Variants in COL11A1 observed in about 807,000 individuals in gnomAD.
COL11A1 encodes the protein collagen alpha-1(XI) chain.
Under a neutral mutation model 265.2 loss-of-function variants are expected in COL11A1, and 74 were observed. The ratio of observed to expected loss-of-function variants is 0.28; its 90% CI spans 0.23 to 0.34. COL11A1 has a LOEUF of 0.34. COL11A1 is among the 10% of genes least tolerant of loss of function. The pLI, the probability that COL11A1 is intolerant of heterozygous loss-of-function variation, is 1.00. For missense variants in COL11A1, 2,165 were observed against 2,263.6 expected (o/e 0.96, Z 0.88); for synonymous variants, 816 against 727.6 (o/e 1.12, Z -1.96).
At position 102,920,511 on chromosome 1, in the gene COL11A1, A is replaced by T. The variant is rs551263540; in HGVS notation, c.3709-147T>A. 5.8e-6 allele frequency: 4 copies of T among 685,474 alleles called. No individual in the cohort carries two copies. The South Asian group carries it at 6.7e-5, about 12-fold the overall frequency. 42.5% of individuals were successfully genotyped at this position (685,474 alleles called of 1,614,324 possible). ...AGAATGAGACTAAATGATGCTTAAT[A>T]GAATTGTCAAATGTGTTGGAAAGCA... On this transcript the variant is annotated intron_variant, in intron 48 of 66. Coordinates refer to ENST00000370096, the MANE Select transcript of COL11A1 (RefSeq NM_001854.4).
chr1:103,048,341 T>C (rs938595809), intron 4 of COL11A1, among the ~76,000 whole-genome samples: 3 of 152,218 alleles, frequency 2.0e-5, no homozygotes, highest in Admixed American at 1.3e-4. Context: ...GGAGGATGTA[T>C]GTGTCGAGGA....
At chr1:102,894,255 C>T (rs753454069) in intron 57 of COL11A1, among the ~76,000 whole-genome samples, 2 of 152,090 alleles carry the variant, frequency 1.3e-5, no homozygotes, top group Non-Finnish European at 2.9e-5. Context: ...CTCAATTGGC[C>T]AGGCTTGGTG....
At chr1:102,886,383 T>C (rs1210800451) in intron 63 of COL11A1, among the ~76,000 whole-genome samples, 1 of 152,160 alleles carries the variant, frequency 6.6e-6, no homozygotes, top group African/African-American at 2.4e-5. Context: ...ATAGATCAAA[T>C]ATACATCAGT....
At chr1:102,967,227 C>CTTTTTTTTT (rs35303945) in intron 37 of COL11A1, among the ~76,000 whole-genome samples, 1,191 of 52,756 alleles carry the variant, frequency 0.023, 437 homozygotes, top group East Asian at 0.05. Context: ...ATAATAAATT[C>CTTTTTTTTT]TTTTTTTTTT....
At chr1:103,020,202 C>T (rs1286135433) in intron 9 of COL11A1, among the ~76,000 whole-genome samples, 2 of 151,108 alleles carry the variant, frequency 1.3e-5, no homozygotes, top group African/African-American at 2.4e-5. Flanking sequence ...TACAGTCCCA[C>T]CAACAGTGTA....
chr1:102,957,126 T>G (rs1660453575), intron 41 of COL11A1, among the ~76,000 whole-genome samples: 2 of 152,018 alleles, frequency 1.3e-5, no homozygotes, highest in South Asian at 4.1e-4. Context: ...TAGACCTACC[T>G]GAGTACAGTA....
chr1:103,021,838 CT>C lies in COL11A1; in HGVS notation c.1246-70del, dbSNP rs35291481. The C allele has an allele frequency of 0.89, 726,929 of 815,574 alleles. 320,511 individuals carry two copies. Among genetic ancestry groups the C allele is most frequent in the East Asian group, 0.94 (31,045 of 33,062 alleles). 50.5% of individuals were successfully genotyped at this position (815,574 alleles called of 1,614,324 possible). A position where few individuals can be genotyped will look rare whatever the true frequency, so the allele number is the denominator to read the frequency against. Reference sequence around the variant, plus strand: ...CATTTCTTTCTTTCTTTCTTTTCTTCTTTTTTTTTTTCTTTCTTTCTTTTTT... The same window carrying C: ...CATTTCTTTCTTTCTTTCTTTTCTTCTTTTTTTTTTCTTTCTTTCTTTTTT... On this transcript the variant is annotated intron_variant, in intron 8 of 66. Transcript: ENST00000370096.
At chr1:103,076,154 CA>C (rs1354710601) in intron 3 of COL11A1, among the ~76,000 whole-genome samples, 1 of 151,946 alleles carries the variant, frequency 6.6e-6, no homozygotes, top group Non-Finnish European at 1.5e-5. Context: ...TTCAAAATAC[CA>C]AATTAACATT....
intron 28 of COL11A1, among the ~76,000 whole-genome samples, chr1:102,992,212 C>T (rs952389029): frequency 3.9e-5 from 6 of 151,988 alleles, no homozygotes; most frequent in Non-Finnish European, 8.8e-5. Context: ...TTCCTTATAA[C>T]AAATGTCATT....
chr1:102,928,102 CTT>C (rs199552225), intron 46 of COL11A1, among the ~76,000 whole-genome samples: 1 of 147,650 alleles, frequency 6.8e-6, no homozygotes, highest in African/African-American at 2.5e-5. Flanking sequence ...TAATATCTTA[CTT>C]TTTTTTTTAT....
intron 42 of COL11A1, among the ~76,000 whole-genome samples, chr1:102,941,273 T>C (rs1392840318): frequency 2.0e-5 from 3 of 152,162 alleles, no homozygotes; most frequent in African/African-American, 7.2e-5. Flanking sequence ...ACTGACACCT[T>C]ACTCTATAAT....
intron 49 of COL11A1, 34 bp from the exon 50 acceptor site, chr1:102,915,718 C>T: frequency 6.9e-7 from 1 of 1,454,880 alleles, no homozygotes; most frequent in Non-Finnish European, 9.6e-7. Flanking sequence ...TATTAGAATA[C>T]AGAGATGATC....
At chr1:102,930,446 T>G (rs1657266690) in intron 46 of COL11A1, among the ~76,000 whole-genome samples, 2 of 152,006 alleles carry the variant, frequency 1.3e-5, no homozygotes, top group African/African-American at 4.8e-5. Flanking sequence ...TGAAGCCCAC[T>G]TCATCATGGT....
At chr1:102,958,279 C>T (rs1660560927) in intron 41 of COL11A1, among the ~76,000 whole-genome samples, 1 of 151,920 alleles carries the variant, frequency 6.6e-6, no homozygotes, top group Non-Finnish European at 1.5e-5. Context: ...CATTGCAAAG[C>T]AGAACTTGTT....
chr1:103,108,361 C>A lies in COL11A1; in HGVS notation c.-183G>T. On this transcript the variant is annotated 5_prime_UTR_variant, in exon 1 of 67. Coordinates refer to ENST00000370096, the MANE Select transcript of COL11A1 (RefSeq NM_001854.4). ...GGTTTGCGTTCTTCGTGTCTCTAGC[C>A]CTTTCCTCTCCCTCTGAGTTGGCCC... The A allele has an allele frequency of 1.5e-6, 1 of 651,614 alleles. No individual in the cohort carries two copies. The highest frequency in any genetic ancestry group is 2.8e-6 in the Non-Finnish European group (1 of 360,722). The allele number at this position is 651,614 out of a possible 1,614,324, so 40.4% of individuals were successfully genotyped here.
chr1:102,927,615 C>G (rs1656763902), intron 46 of COL11A1, among the ~76,000 whole-genome samples: 1 of 151,816 alleles, frequency 6.6e-6, no homozygotes, highest in Non-Finnish European at 1.5e-5. Context: ...TGCACTGCAG[C>G]CTGGGTGACA....
intron 1 of COL11A1, chr1:103,100,150 T>C (rs1443338420): frequency 6.6e-6 from 1 of 151,926 alleles, no homozygotes; most frequent in Non-Finnish European, 1.5e-5. Context: ...TGTTACATTC[T>C]CTCAGTTGAT....
intron 54 of COL11A1, among the ~76,000 whole-genome samples, chr1:102,906,464 G>A (rs768850099): frequency 3.9e-4 from 59 of 152,144 alleles, no homozygotes; most frequent in Admixed American, 2.0e-4. Flanking sequence ...TTGGAGTACA[G>A]TAGAACAATC....
At chr1:102,967,948 G>C (rs1263034000) in intron 37 of COL11A1, among the ~76,000 whole-genome samples, 1 of 152,156 alleles carries the variant, frequency 6.6e-6, no homozygotes, top group African/African-American at 2.4e-5. Context: ...CATCCTAAGG[G>C]GAGAGAGGAA....
Sources: allele counts gnomAD v4.1 joint callset (sites outside exome capture counted in the v4.1 genomes callset), GRCh38; gene constraint gnomAD v4.1.1; transcripts MANE v1.5; gene names NCBI Gene and HGNC (gene_info 2026-07-23, HGNC 2026-07-21).